The following ESRRG variants were observed in gnomAD, a reference collection of about 807,000 sequenced individuals.
The protein encoded by ESRRG is estrogen-related receptor gamma.
In ESRRG, 13 loss-of-function variants were observed where a neutral mutation model predicts 44.0. The ratio of observed to expected loss-of-function variants is 0.30; its 90% CI spans 0.19 to 0.47. ESRRG has a LOEUF of 0.47. Among genes scored for constraint, ESRRG ranks in the 20% least tolerant of loss-of-function variants. The pLI is 1.00. For missense variants in ESRRG, 395 were observed against 580.6 expected, an observed-to-expected ratio of 0.68 and a Z score of 3.29; for synonymous variants, 215 against 214.6, an observed-to-expected ratio of 1.00 and a Z score of -0.02.
intron 2 of ESRRG, among the ~76,000 whole-genome samples, chr1:216,664,338 G>A (rs1014068674): frequency 2.6e-5 from 4 of 151,792 alleles, no homozygotes; most frequent in Non-Finnish European, 5.9e-5. Flanking sequence ...TGATAGAAGT[G>A]CCTACTTCAT....
chr1:216,904,604 G>A (rs1464259409), intron 2 of ESRRG, among the ~76,000 whole-genome samples: 2 of 152,132 alleles, frequency 1.3e-5, no homozygotes, highest in South Asian at 2.1e-4. Context: ...AGTAAGCTCA[G>A]GAAGCCCTAA....
At chr1:216,845,258 G>A (rs1244859472) in intron 2 of ESRRG, among the ~76,000 whole-genome samples, 1 of 152,120 alleles carries the variant, frequency 6.6e-6, no homozygotes, top group Non-Finnish European at 1.5e-5. Flanking sequence ...CACTTGGCAT[G>A]TAGAAGGAGT....
At chr1:217,124,625 T>C (rs1327479748) in intron 1 of ESRRG, among the ~76,000 whole-genome samples, 1 of 152,148 alleles carries the variant, frequency 6.6e-6, no homozygotes, top group East Asian at 1.9e-4. Context: ...ACACCACTCT[T>C]GAGTTATCTG....
intron 2 of ESRRG, among the ~76,000 whole-genome samples, chr1:216,929,361 G>T (rs1459345441): frequency 6.6e-6 from 1 of 152,044 alleles, no homozygotes; most frequent in Non-Finnish European, 1.5e-5. Context: ...TGACTCAATA[G>T]AATTCACAAC....
chr1:216,688,384 C>A (rs550906908), intron 1 of ESRRG, among the ~76,000 whole-genome samples: 2 of 152,154 alleles, frequency 1.3e-5, no homozygotes, highest in Admixed American at 6.6e-5. Context: ...CGCTTCCATT[C>A]GCAAAGAACC....
At chr1:216,697,068 T>C (rs2813699) in intron 1 of ESRRG, among the ~76,000 whole-genome samples, 123,653 of 151,618 alleles carry the variant, frequency 0.82, 50,434 homozygotes, top group African/African-American at 0.83. Context: ...CGGGTTCAAG[T>C]GATTCTCATG....
At chr1:216,765,228 G>A (rs1016874510) in intron 2 of ESRRG, among the ~76,000 whole-genome samples, 2 of 152,098 alleles carry the variant, frequency 1.3e-5, no homozygotes, top group African/African-American at 2.4e-5. Context: ...CTGGAGGCAG[G>A]AAGGGAGAAA....
chr1:216,690,489 G>A (rs1575362300), intron 1 of ESRRG, among the ~76,000 whole-genome samples: 1 of 152,224 alleles, frequency 6.6e-6, no homozygotes, highest in East Asian at 1.9e-4. Flanking sequence ...GGAGCAAGGA[G>A]TGAGGATTGC....
At chr1:217,130,152 T>C (rs1173940415) in intron 1 of ESRRG, among the ~76,000 whole-genome samples, 2 of 152,236 alleles carry the variant, frequency 1.3e-5, no homozygotes, top group African/African-American at 4.8e-5. Context: ...CTTTATTTCA[T>C]TGTGCCACTT....
At position 216,747,202 on chromosome 1, in the gene ESRRG, C is replaced by T. The variant is rs370430713; in HGVS notation, c.-13-69711G>A. On this transcript the variant is annotated intron_variant, in intron 2 of 7. Transcript: ENST00000359162. The stretch of plus-strand genomic sequence containing the variant: ...TGATTATGAAACAAGGATTCTGAGA[C>T]GTCATTTAAATTGCCTGGGATTCTA... Among the ~76,000 whole-genome samples, 11 of 152,238 alleles carry T rather than the reference C, an allele frequency of 7.2e-5. No homozygotes were observed. In the South Asian group the frequency reaches 1.4e-3, roughly 20 times the overall value.
chr1:216,770,657 C>T (rs2152391086), intron 2 of ESRRG, among the ~76,000 whole-genome samples: 1 of 152,126 alleles, frequency 6.6e-6, no homozygotes, highest in Admixed American at 6.6e-5. Flanking sequence ...AAGCATAATA[C>T]ATGATACTTT....
At chr1:216,908,344 T>C (rs1002938547) in intron 2 of ESRRG, among the ~76,000 whole-genome samples, 2 of 152,178 alleles carry the variant, frequency 1.3e-5, no homozygotes, top group African/African-American at 4.8e-5. Flanking sequence ...TTACAGAGCA[T>C]GTCCACCTTA....
intron 2 of ESRRG, among the ~76,000 whole-genome samples, chr1:216,807,215 C>A (rs925182852): frequency 6.6e-6 from 1 of 152,122 alleles, no homozygotes; most frequent in African/African-American, 2.4e-5. Context: ...GTTCCACCGT[C>A]GAATGGCATC....
intron 2 of ESRRG, among the ~76,000 whole-genome samples, chr1:216,778,058 G>A (rs915615469): frequency 3.3e-5 from 5 of 151,944 alleles, no homozygotes; most frequent in Non-Finnish European, 7.4e-5. Context: ...ATCTGGTCTC[G>A]GATCAATAGA....
intron 1 of ESRRG, among the ~76,000 whole-genome samples, chr1:216,707,890 T>C (rs1293680348): frequency 3.9e-5 from 6 of 152,208 alleles, no homozygotes; most frequent in Non-Finnish European, 8.8e-5. Context: ...AATTTTAAAC[T>C]GATATTTTCT....
At chr1:217,003,538 C>T (rs1015483767) in intron 1 of ESRRG, among the ~76,000 whole-genome samples, 79 of 146,794 alleles carry the variant, frequency 5.4e-4, no homozygotes, top group African/African-American at 2.0e-3. Context: ...AATATTAATA[C>T]TAATATTAGG....
intron 1 of ESRRG, among the ~76,000 whole-genome samples, chr1:217,104,214 G>T (rs2092559180): frequency 1.3e-5 from 2 of 152,170 alleles, no homozygotes. Flanking sequence ...TGTGTCTCTT[G>T]TAGCCCCTGT....
chr1:216,865,539 T>C (rs1235283340), intron 2 of ESRRG, among the ~76,000 whole-genome samples: 1 of 152,152 alleles, frequency 6.6e-6, no homozygotes, highest in Non-Finnish European at 1.5e-5. Flanking sequence ...CTGCTGGTCT[T>C]TGTTCATTTT....
intron 2 of ESRRG, among the ~76,000 whole-genome samples, chr1:216,907,328 C>T (rs2059797795): frequency 6.6e-6 from 1 of 152,214 alleles, no homozygotes; most frequent in Non-Finnish European, 1.5e-5. Flanking sequence ...ACTCCCACAG[C>T]CTGATGCACA....
Sources: allele counts gnomAD v4.1 joint callset (sites outside exome capture counted in the v4.1 genomes callset), GRCh38; gene constraint gnomAD v4.1.1; transcripts MANE v1.5; gene names NCBI Gene and HGNC (gene_info 2026-07-23, HGNC 2026-07-21).